Variants in MALRD1 observed in about 807,000 individuals in gnomAD.
MALRD1 encodes MAM and LDL-receptor class A domain-containing protein 1.
In MALRD1, 247 loss-of-function variants were observed where a neutral mutation model predicts 242.1. That is an observed-to-expected ratio of 1.02 (90% CI 0.92 to 1.13). The LOEUF is 1.13. Among genes scored for constraint, MALRD1 ranks in the 50% most tolerant of loss-of-function variants. The pLI is 0.00. For synonymous variants in MALRD1, 995 were observed against 866.6 expected (o/e 1.15, Z -2.60); for missense variants, 2,989 against 2,533.1 (o/e 1.18, Z -3.86).
intron 38 of MALRD1, among the ~76,000 whole-genome samples, chr10:19,720,689 G>C (rs557278982): frequency 6.6e-6 from 1 of 151,812 alleles, no homozygotes; most frequent in South Asian, 2.1e-4. Context: ...TTTGTTTTAT[G>C]TTCTTTTACT....
In MALRD1 at chr10:19,331,421, A is replaced by G. The variant is rs571372487; in HGVS notation, c.3740A>G (p.Asp1247Gly). The change falls in exon 24 of 40, where the codon GAT (aspartate) becomes GGT (glycine). Residue 1247 changes from aspartate to glycine, a missense_variant. Physicochemically the swap from Asp to Gly is moderately conservative, Grantham distance 94. Coordinates refer to ENST00000454679, the MANE Select transcript of MALRD1 (RefSeq NM_001142308.3). Reference protein sequence around the residue: ...GISYIGDVAVDDISFQDCSPL... With the variant: ...GISYIGDVAVGDISFQDCSPL... ...AGTTACATAGGAGATGTAGCAGTGGATGATATTTCCTTCCAAGATTGCTCC... is the reference window on the plus strand; with the variant it reads ...AGTTACATAGGAGATGTAGCAGTGGGTGATATTTCCTTCCAAGATTGCTCC... 8.4e-6 allele frequency: 13 copies of G among 1,550,440 alleles called. No individual in the cohort carries two copies. In the African/African-American group the frequency reaches 1.5e-4, roughly 18 times the overall value.
chr10:19,213,440 G>A (rs1168606848), intron 18 of MALRD1, among the ~76,000 whole-genome samples: 1 of 152,110 alleles, frequency 6.6e-6, no homozygotes, highest in South Asian at 2.1e-4. Flanking sequence ...CACCATATTG[G>A]TCAGGCTGGT....
chr10:19,344,787 A>G lies in MALRD1; in HGVS notation c.3902-2984A>G, dbSNP rs1304768172. On this transcript the variant is annotated intron_variant, in intron 24 of 39. Transcript: ENST00000454679. ...TCATGAGCATAGTAGGTTTCTCCCC[A>G]TTATTTAGATCTTTGATTTCTCTCA... 2.0e-5 allele frequency among the ~76,000 whole-genome samples: 3 copies of G among 151,702 alleles called. No individual in the cohort carries two copies. The South Asian group carries it at 6.2e-4, about 32-fold the overall frequency.
At chr10:19,144,391 G>A (rs906034520) in intron 10 of MALRD1, among the ~76,000 whole-genome samples, 1 of 152,136 alleles carries the variant, frequency 6.6e-6, no homozygotes, top group Non-Finnish European at 1.5e-5. Context: ...TAACAAGCAC[G>A]GCTTTCAGAT....
At chr10:19,501,781 C>G (rs897763689) in intron 31 of MALRD1, among the ~76,000 whole-genome samples, 1 of 152,042 alleles carries the variant, frequency 6.6e-6, no homozygotes, top group Non-Finnish European at 1.5e-5. Context: ...CCTGTAATCC[C>G]AGCCCTTTGG....
At chr10:19,489,135 C>T (rs760217807) in intron 29 of MALRD1, 10 of 466,804 alleles carry the variant, frequency 2.1e-5, no homozygotes, top group South Asian at 3.1e-5. Flanking sequence ...AAGGGGCCGC[C>T]ACAGGAAAAG....
intron 21 of MALRD1, among the ~76,000 whole-genome samples, chr10:19,285,479 A>G (rs1841065592): frequency 6.6e-6 from 1 of 151,750 alleles, no homozygotes. Flanking sequence ...ATGGCTAGCC[A>G]GTTTTCCCAG....
chr10:19,450,482 G>A lies in MALRD1; in HGVS notation c.5021G>A (p.Cys1674Tyr), dbSNP rs1224699579. 1 of 1,545,668 alleles carries A rather than the reference G, an allele frequency of 6.5e-7. No homozygotes were observed. Among genetic ancestry groups the A allele is most frequent in the African/African-American group, 1.4e-5 (1 of 72,810 alleles). Residue 1674 changes from cysteine to tyrosine, a missense_variant, in exon 29 of 40, where the codon TGC becomes TAC. By Grantham distance (194) the Cys-to-Tyr change is radical. Coordinates refer to ENST00000454679, the MANE Select transcript of MALRD1 (RefSeq NM_001142308.3). ...ATTGATGATATTGAATTTAAAAACTGCACAACTGGTAAGTTTCCAGAAAGC... is the reference window on the plus strand; with the variant it reads ...ATTGATGATATTGAATTTAAAAACTACACAACTGGTAAGTTTCCAGAAAGC... ...AAIDDIEFKN[C>Y]TTVGEISELC...
intron 18 of MALRD1, among the ~76,000 whole-genome samples, chr10:19,252,639 C>G (rs1250589009): frequency 6.6e-6 from 1 of 151,938 alleles, no homozygotes; most frequent in Non-Finnish European, 1.5e-5. Flanking sequence ...TTTATTTTGT[C>G]TCTACTATTA....
intron 5 of MALRD1, 104 bp from the exon 6 acceptor site, chr10:19,123,388 G>C (rs747159182): frequency 2.0e-6 from 1 of 512,624 alleles, no homozygotes; most frequent in Non-Finnish European, 3.0e-6. Context: ...AGAGAAATTG[G>C]TTACAGAGTG....
At chr10:19,670,677 A>G (rs1305017185) in intron 36 of MALRD1, among the ~76,000 whole-genome samples, 2 of 151,986 alleles carry the variant, frequency 1.3e-5, no homozygotes, top group African/African-American at 4.8e-5. Context: ...AACACCCCTG[A>G]CTCCACCAAC....
intron 16 of MALRD1, 145 bp from the exon 17 acceptor site, chr10:19,204,753 T>A: frequency 1.1e-6 from 1 of 892,572 alleles, no homozygotes; most frequent in Non-Finnish European, 1.7e-6. Flanking sequence ...CTCTTGCAAA[T>A]GGACAGCCAC....
At chr10:19,397,934 T>C (rs2130843474) in intron 28 of MALRD1, among the ~76,000 whole-genome samples, 1 of 152,012 alleles carries the variant, frequency 6.6e-6, no homozygotes, top group South Asian at 2.1e-4. Flanking sequence ...TTTTCATATA[T>C]CTCTTGGCCA....
At chr10:19,473,819 G>A (rs1156516010) in intron 29 of MALRD1, among the ~76,000 whole-genome samples, 1 of 152,012 alleles carries the variant, frequency 6.6e-6, no homozygotes. Context: ...CCTGCTTTCA[G>A]TTCCTTTCAA....
chr10:19,128,480 G>A, intron 8 of MALRD1, 93 bp downstream of exon 8: 1 of 819,770 alleles, frequency 1.2e-6, no homozygotes, highest in Non-Finnish European at 1.6e-6. Context: ...GTTGCGCATA[G>A]GCTTTTATTC....
intron 33 of MALRD1, among the ~76,000 whole-genome samples, chr10:19,594,091 T>C (rs1439392176): frequency 6.6e-6 from 1 of 152,128 alleles, no homozygotes; most frequent in Non-Finnish European, 1.5e-5. Context: ...AGACAGTAAA[T>C]AAATGATATC....
intron 32 of MALRD1, among the ~76,000 whole-genome samples, chr10:19,547,799 TATATA>T (rs1835280101): frequency 7.3e-5 from 1 of 13,674 alleles, no homozygotes; most frequent in African/African-American, 2.1e-4. Flanking sequence ...TATATATATA[TATATA>T]TATATATATA....
At chr10:19,183,845 T>C (rs1275672643) in intron 14 of MALRD1, among the ~76,000 whole-genome samples, 2 of 152,228 alleles carry the variant, frequency 1.3e-5, no homozygotes, top group Non-Finnish European at 2.9e-5. Flanking sequence ...TCCATACTTA[T>C]TTATATTATG....
intron 29 of MALRD1, chr10:19,488,813 AAG>A (rs1163750123): frequency 3.0e-6 from 1 of 331,536 alleles, no homozygotes; most frequent in Non-Finnish European, 6.0e-6. Context: ...CAACGATGGA[AAG>A]GTGTGTGGCC....
Sources: gnomAD v4.1 joint callset for allele counts (sites outside exome capture counted in the v4.1 genomes callset) on GRCh38, gnomAD v4.1.1 for gene constraint, MANE v1.5 for transcripts, NCBI Gene and HGNC (gene_info 2026-07-23, HGNC 2026-07-21) for gene names.